Variants in BRD10 observed in about 807,000 individuals in gnomAD.
The protein encoded by BRD10 is bromodomain containing 10, also known as uncharacterized bromodomain-containing protein 10.
chr9:5,888,335 C>T, the BRD10 span, among the ~76,000 whole-genome samples: 1 of 152,112 alleles, frequency 6.6e-6, no homozygotes, highest in South Asian at 2.1e-4. Flanking sequence ...TTTGCACTGT[C>T]GGACTTTGCT....
At chr9:5,885,669 G>A in the BRD10 span, among the ~76,000 whole-genome samples, 2,025 of 152,174 alleles carry the variant, frequency 0.013, 34 homozygotes, top group African/African-American at 0.044. Context: ...CACCGCACCC[G>A]GCCCATATGT....
At chr9:5,954,626 A>G in the BRD10 span, among the ~76,000 whole-genome samples, 36 of 152,332 alleles carry the variant, frequency 2.4e-4, no homozygotes, top group African/African-American at 7.9e-4. Flanking sequence ...ATCAATACCC[A>G]AAGTTTTAAA....
chr9:5,988,501 T>G, the BRD10 span: 2 of 1,613,942 alleles, frequency 1.2e-6, no homozygotes, highest in Non-Finnish European at 1.7e-6. Context: ...CAATCCATAA[T>G]AGCCTCTAGA....
At chr9:5,941,141 A>G in the BRD10 span, among the ~76,000 whole-genome samples, 3 of 152,194 alleles carry the variant, frequency 2.0e-5, no homozygotes, top group Non-Finnish European at 2.9e-5. Flanking sequence ...ACTTAGAAAT[A>G]TAAGTTTGGC....
the BRD10 span, among the ~76,000 whole-genome samples, chr9:5,995,687 C>G: frequency 6.6e-6 from 1 of 152,174 alleles, no homozygotes; most frequent in Non-Finnish European, 1.5e-5. Flanking sequence ...TATACCCTAT[C>G]TGGTCACCCT....
chr9:5,936,147 A>G, the BRD10 span, among the ~76,000 whole-genome samples: 1 of 152,126 alleles, frequency 6.6e-6, no homozygotes, highest in Non-Finnish European at 1.5e-5. Flanking sequence ...CTTAAGCCAA[A>G]GAGTTCGAGA....
chr9:5,920,622 C>A, the BRD10 span: 15 of 1,613,834 alleles, frequency 9.3e-6, no homozygotes, highest in Non-Finnish European at 1.2e-5. Flanking sequence ...GTTGAAATCC[C>A]TGGTGAATGG....
At chr9:5,905,224 T>C in the BRD10 span, among the ~76,000 whole-genome samples, 1 of 152,136 alleles carries the variant, frequency 6.6e-6, no homozygotes, top group Non-Finnish European at 1.5e-5. Flanking sequence ...TCCTGTAAAC[T>C]AAAAACAAAA....
chr9:5,990,337 T>C, the BRD10 span, among the ~76,000 whole-genome samples: 2 of 152,168 alleles, frequency 1.3e-5, no homozygotes, highest in African/African-American at 4.8e-5. Flanking sequence ...AAAGAGAACA[T>C]TAATGGACAA....
the BRD10 span, among the ~76,000 whole-genome samples, chr9:5,926,714 G>T: frequency 2.0e-5 from 3 of 151,970 alleles, no homozygotes; most frequent in Non-Finnish European, 4.4e-5. Context: ...TGTGTTTTTA[G>T]TAGAGACGGG....
At chr9:5,940,598 T>A in the BRD10 span, among the ~76,000 whole-genome samples, 2 of 152,356 alleles carry the variant, frequency 1.3e-5, no homozygotes, top group African/African-American at 4.8e-5. Context: ...ATTGTTTAGT[T>A]AGTCACCTCG....
chr9:5,919,383 C>T, the BRD10 span: 1 of 239,758 alleles, frequency 4.2e-6, no homozygotes, highest in Admixed American at 4.9e-5. Flanking sequence ...TTACTCTAAA[C>T]TATTCAAACT....
At chr9:5,949,146 G>A in the BRD10 span, among the ~76,000 whole-genome samples, 1 of 151,854 alleles carries the variant, frequency 6.6e-6, no homozygotes, top group Non-Finnish European at 1.5e-5. Context: ...TTCATTTTAA[G>A]AGGGAGCAAT....
At chr9:5,933,260 T>C in the BRD10 span, among the ~76,000 whole-genome samples, 5 of 152,232 alleles carry the variant, frequency 3.3e-5, no homozygotes, top group South Asian at 2.1e-4. Context: ...ACTATTTTCA[T>C]AGGCAAACAA....
chr9:5,918,894 A>G, the BRD10 span: 1 of 152,116 alleles, frequency 6.6e-6, no homozygotes, highest in East Asian at 1.9e-4. Context: ...AAAGCCATGT[A>G]CAAGTGCTAG....
the BRD10 span, among the ~76,000 whole-genome samples, chr9:5,952,438 G>A: frequency 2.6e-5 from 4 of 152,270 alleles, no homozygotes; most frequent in African/African-American, 9.6e-5. Context: ...AAAGTTTCAC[G>A]AAACAATATA....
chr9:5,933,052 T>C, the BRD10 span, among the ~76,000 whole-genome samples: 1 of 152,216 alleles, frequency 6.6e-6, no homozygotes, highest in Admixed American at 6.5e-5. Flanking sequence ...TCTTTCTCTA[T>C]ACTGATTAAT....
the BRD10 span, among the ~76,000 whole-genome samples, chr9:5,949,910 A>G: frequency 6.6e-6 from 1 of 152,208 alleles, no homozygotes; most frequent in Non-Finnish European, 1.5e-5. Flanking sequence ...TTTGATTACA[A>G]AACAGATAAA....
the BRD10 span, chr9:5,924,632 A>T: frequency 7.1e-7 from 1 of 1,408,514 alleles, no homozygotes; most frequent in Non-Finnish European, 9.4e-7. Flanking sequence ...TTCAGTGTTG[A>T]CTTAAAAAAA....
Sources: allele counts gnomAD v4.1 joint callset (sites outside exome capture counted in the v4.1 genomes callset), GRCh38; gene constraint gnomAD v4.1.1; transcripts MANE v1.5; gene names NCBI Gene and HGNC (gene_info 2026-07-23, HGNC 2026-07-21).